The following ADAMTSL1 variants were observed in gnomAD, a reference collection of about 807,000 sequenced individuals.
ADAMTSL1 encodes ADAMTS like 1.
A neutral mutation model predicts 201.8 loss-of-function variants in ADAMTSL1; 126 were observed. The ratio of observed to expected loss-of-function variants is 0.62; its 90% CI spans 0.54 to 0.72. ADAMTSL1 has a LOEUF of 0.72. Ranked by LOEUF, ADAMTSL1 falls within the 30% of genes least tolerant of loss-of-function variation. The pLI is 0.00. For synonymous variants in ADAMTSL1, 1,121 were observed against 903.4 expected, an observed-to-expected ratio of 1.24 and a Z score of -4.32; for missense variants, 2,679 against 2,277.8, an observed-to-expected ratio of 1.18 and a Z score of -3.59.
Position 18,686,486 on chromosome 9 carries a change from AG to A in ADAMTSL1, c.1574+1692del, listed in dbSNP as rs981235093. ...GAGGAGTAAATAAGCAGTTCTTTTT[AG>A]GGGGGCATTAATAACTTCTTAATCC... On this transcript the variant is annotated intron_variant, in intron 13 of 28. Coordinates refer to ENST00000380548, the MANE Select transcript of ADAMTSL1 (RefSeq NM_001040272.6). Among the ~76,000 whole-genome samples, 17 of 152,242 alleles carry A rather than the reference AG, an allele frequency of 1.1e-4. No homozygotes were observed. The South Asian group carries it at 1.7e-3, about 15-fold the overall frequency.
At chr9:18,272,406 G>C (rs552493696) in intron 2 of ADAMTSL1, among the ~76,000 whole-genome samples, 1 of 152,144 alleles carries the variant, frequency 6.6e-6, no homozygotes, top group African/African-American at 2.4e-5. Flanking sequence ...CTAGCTATAC[G>C]TAGAAAGCTG....
intron 1 of ADAMTSL1, among the ~76,000 whole-genome samples, chr9:17,970,563 G>T (rs1284924370): frequency 6.6e-6 from 1 of 151,970 alleles, no homozygotes; most frequent in African/African-American, 2.4e-5. Flanking sequence ...AGGTGTTAAG[G>T]CTGCCACAGT....
intron 1 of ADAMTSL1, among the ~76,000 whole-genome samples, chr9:18,494,122 A>G (rs1832637): frequency 0.12 from 17,667 of 152,134 alleles, 1,092 homozygotes; most frequent in African/African-American, 0.15. Context: ...TTTGGGAGGC[A>G]GAAACGGGTG....
chr9:18,676,196 T>C (rs1830119917), intron 10 of ADAMTSL1, among the ~76,000 whole-genome samples: 1 of 152,090 alleles, frequency 6.6e-6, no homozygotes, highest in South Asian at 2.1e-4. Context: ...TATGTCTTTC[T>C]TTCCCTCCCT....
At chr9:18,192,334 A>T (rs145017932) in intron 2 of ADAMTSL1, among the ~76,000 whole-genome samples, 2 of 152,228 alleles carry the variant, frequency 1.3e-5, no homozygotes, top group African/African-American at 4.8e-5. Context: ...TCCTGGGCAA[A>T]ATCTCCTTAT....
chr9:18,402,803 C>T (rs1029991223), intron 2 of ADAMTSL1, among the ~76,000 whole-genome samples: 3 of 152,176 alleles, frequency 2.0e-5, no homozygotes, highest in Admixed American at 6.5e-5. Context: ...GAATTAGGGA[C>T]TTCTAGCATA....
intron 2 of ADAMTSL1, among the ~76,000 whole-genome samples, chr9:18,506,544 C>T (rs2131942527): frequency 6.6e-6 from 1 of 152,160 alleles, no homozygotes; most frequent in South Asian, 2.1e-4. Context: ...ATTAAAATCA[C>T]AAAATTCTGT....
At chr9:18,245,300 C>T (rs536603918) in intron 2 of ADAMTSL1, among the ~76,000 whole-genome samples, 307 of 152,054 alleles carry the variant, frequency 2.0e-3, no homozygotes, top group South Asian at 6.4e-3. Context: ...ATTGTTTTGA[C>T]GTTCAATCAA....
chr9:18,039,075 A>G (rs1354581623), intron 1 of ADAMTSL1, among the ~76,000 whole-genome samples: 1 of 152,234 alleles, frequency 6.6e-6, no homozygotes, highest in Non-Finnish European at 1.5e-5. Context: ...CCTCAGGTAT[A>G]ATAACATCAA....
chr9:18,163,849 C>G (rs1331777239), intron 1 of ADAMTSL1: 2 of 152,004 alleles, frequency 1.3e-5, no homozygotes, highest in Admixed American at 6.6e-5. Flanking sequence ...ATTCAGCTAC[C>G]TTATCTCTCT....
chr9:18,818,343 G>T (rs922052602), intron 21 of ADAMTSL1, among the ~76,000 whole-genome samples: 1 of 152,094 alleles, frequency 6.6e-6, no homozygotes, highest in Admixed American at 6.6e-5. Flanking sequence ...CTTCATCTTA[G>T]ATCTTCATCA....
intron 1 of ADAMTSL1, among the ~76,000 whole-genome samples, chr9:18,503,421 G>GTGTATATATATATATATATATATATATA (rs376466829): frequency 0.022 from 2,470 of 114,338 alleles, 294 homozygotes; most frequent in Middle Eastern, 0.03. Flanking sequence ...ATTCCATTGT[G>GTGTATATATATATATATATATATATATA]TATATATATA....
chr9:18,215,217 T>A (rs1234142747), intron 2 of ADAMTSL1, among the ~76,000 whole-genome samples: 3 of 152,150 alleles, frequency 2.0e-5, no homozygotes, highest in Non-Finnish European at 4.4e-5. Context: ...TATTTTACTG[T>A]AATAATTTTG....
chr9:18,571,244 T>G (rs1317896045), intron 3 of ADAMTSL1, among the ~76,000 whole-genome samples: 1 of 152,216 alleles, frequency 6.6e-6, no homozygotes, highest in Non-Finnish European at 1.5e-5. Flanking sequence ...AAATTTTCCC[T>G]GGTTCATATT....
chr9:18,739,914 T>C (rs1818722681), intron 15 of ADAMTSL1, among the ~76,000 whole-genome samples: 1 of 152,000 alleles, frequency 6.6e-6, no homozygotes, highest in Non-Finnish European at 1.5e-5. Context: ...TGTGTGTGTG[T>C]GTGTGTGTGT....
intron 2 of ADAMTSL1, among the ~76,000 whole-genome samples, chr9:18,179,632 T>A (rs1563789478): frequency 6.6e-6 from 1 of 151,860 alleles, no homozygotes; most frequent in Non-Finnish European, 1.5e-5. Context: ...GAGAGAAAGG[T>A]GGGTTACCCT....
intron 20 of ADAMTSL1, among the ~76,000 whole-genome samples, chr9:18,805,889 G>A (rs1823083314): frequency 6.6e-6 from 1 of 152,156 alleles, no homozygotes; most frequent in South Asian, 2.1e-4. Flanking sequence ...AATCTGCCCA[G>A]CCTGCGGTCC....
At chr9:18,291,818 C>G (rs370069807) in intron 2 of ADAMTSL1, among the ~76,000 whole-genome samples, 1 of 151,468 alleles carries the variant, frequency 6.6e-6, no homozygotes, top group African/African-American at 2.4e-5. Flanking sequence ...AATTCTGTTT[C>G]AGAGTCCAGA....
chr9:17,915,571 G>T (rs948042259), intron 1 of ADAMTSL1, among the ~76,000 whole-genome samples: 6 of 152,170 alleles, frequency 3.9e-5, no homozygotes, highest in African/African-American at 1.4e-4. Context: ...TTTGTGTTAG[G>T]TAAATACCTA....
Sources: gnomAD v4.1 joint callset for allele counts (sites outside exome capture counted in the v4.1 genomes callset) on GRCh38, gnomAD v4.1.1 for gene constraint, MANE v1.5 for transcripts, NCBI Gene and HGNC (gene_info 2026-07-23, HGNC 2026-07-21) for gene names.